DCDC1: variants seen among roughly 807,000 people sequenced by gnomAD.
DCDC1 encodes doublecortin domain-containing protein 1.
In DCDC1, 200 loss-of-function variants were observed where a neutral mutation model predicts 178.3. That is an observed-to-expected ratio of 1.12 (90% CI 1.00 to 1.26). The LOEUF (loss-of-function observed/expected upper bound fraction) is 1.26, where lower values mean the gene tolerates loss of function less well. Ranked by LOEUF, DCDC1 falls within the 50% of genes most tolerant of loss-of-function variation. The pLI is 0.00. For synonymous variants in DCDC1, 690 were observed against 604.8 expected (o/e 1.14, Z -2.07); for missense variants, 1,983 against 1,749.2 (o/e 1.13, Z -2.38).
At chr11:30,871,599 T>C (rs1941567954) in intron 38 of DCDC1, among the ~76,000 whole-genome samples, 1 of 152,254 alleles carries the variant, frequency 6.6e-6, no homozygotes, top group South Asian at 2.1e-4. Flanking sequence ...TATATAGCAC[T>C]GATATTATTC....
Position 30,924,061 on chromosome 11 carries a change from C to A in DCDC1, c.2997+1248G>T, listed in dbSNP as rs140988316. Among the ~76,000 whole-genome samples the A allele has an allele frequency of 2.7e-3, 411 of 152,286 alleles. 2 individuals carry two copies. Among genetic ancestry groups the A allele is most frequent in the Non-Finnish European group, 4.5e-3 (307 of 68,022 alleles). On this transcript the variant is annotated intron_variant, in intron 23 of 38. Coordinates refer to ENST00000684477, the MANE Select transcript of DCDC1 (RefSeq NM_001387274.1). ...CTAGCAAATATACAATCACTCCTGG[C>A]TCCATCTTATCCTCCTTCCACTCAT...
chr11:31,341,224 C>T (rs1035786334), intron 1 of DCDC1, among the ~76,000 whole-genome samples: 4 of 152,088 alleles, frequency 2.6e-5, no homozygotes, highest in African/African-American at 7.2e-5. Context: ...CCAGAAACTT[C>T]TTTCACAGGT....
At chr11:30,945,615 C>A (rs996913186) in intron 21 of DCDC1, among the ~76,000 whole-genome samples, 2 of 151,898 alleles carry the variant, frequency 1.3e-5, no homozygotes, top group Non-Finnish European at 2.9e-5. Context: ...ATCGCTTGAA[C>A]CCAGGAGGCA....
At chr11:30,964,437 T>C (rs1377810336) in intron 20 of DCDC1, among the ~76,000 whole-genome samples, 1 of 152,124 alleles carries the variant, frequency 6.6e-6, no homozygotes, top group Non-Finnish European at 1.5e-5. Context: ...ATGGCATAGA[T>C]CTTTTTGCCT....
At chr11:31,357,078 C>T (rs1391064827) in intron 1 of DCDC1, among the ~76,000 whole-genome samples, 2 of 152,074 alleles carry the variant, frequency 1.3e-5, no homozygotes, top group East Asian at 1.9e-4. Flanking sequence ...TCCTCCCTAA[C>T]TCATTTTATG....
intron 20 of DCDC1, among the ~76,000 whole-genome samples, chr11:31,038,709 T>A (rs1429463254): frequency 6.6e-6 from 1 of 152,164 alleles, no homozygotes; most frequent in Non-Finnish European, 1.5e-5. Context: ...TCTTTGTGGT[T>A]AATAGTGCTC....
At chr11:31,252,143 A>C (rs1437924238) in intron 8 of DCDC1, among the ~76,000 whole-genome samples, 2 of 152,212 alleles carry the variant, frequency 1.3e-5, no homozygotes, top group Non-Finnish European at 2.9e-5. Flanking sequence ...GATTAATATA[A>C]TCTAAAGCAG....
intron 9 of DCDC1, among the ~76,000 whole-genome samples, chr11:31,140,221 T>G (rs531463915): frequency 1.3e-5 from 2 of 152,318 alleles, no homozygotes; most frequent in East Asian, 3.9e-4. Context: ...ATGAAATAAC[T>G]TTTTGTCAAT....
chr11:30,881,045 T>C, intron 37 of DCDC1, 113 bp downstream of exon 37: 3 of 1,224,814 alleles, frequency 2.4e-6, no homozygotes, highest in East Asian at 5.1e-5. Context: ...GTAGAAATGC[T>C]TGGGAGGGGA....
intron 24 of DCDC1, among the ~76,000 whole-genome samples, chr11:30,921,956 A>T (rs1946274623): frequency 6.6e-6 from 1 of 152,152 alleles, no homozygotes; most frequent in Non-Finnish European, 1.5e-5. Context: ...ATGACCACTC[A>T]GTCATAGTCA....
chr11:30,923,795 C>G (rs945841960), intron 23 of DCDC1, among the ~76,000 whole-genome samples: 4 of 151,666 alleles, frequency 2.6e-5, no homozygotes, highest in Admixed American at 2.6e-4. Flanking sequence ...TTTTTGTATT[C>G]TAGTAGAGGC....
At chr11:30,923,461 C>A (rs572020788) in intron 23 of DCDC1, among the ~76,000 whole-genome samples, 114 of 108,474 alleles carry the variant, frequency 1.1e-3, no homozygotes, top group Non-Finnish European at 1.8e-3. Context: ...ATAAATATTT[C>A]TTTAAAGATG....
At chr11:30,875,982 A>T (rs897796487) in intron 38 of DCDC1, among the ~76,000 whole-genome samples, 10 of 152,180 alleles carry the variant, frequency 6.6e-5, no homozygotes, top group Admixed American at 4.6e-4. Context: ...GAAACATTGC[A>T]ACTTTACCCT....
chr11:31,187,997 T>A (rs182697472), intron 9 of DCDC1, among the ~76,000 whole-genome samples: 48 of 152,332 alleles, frequency 3.2e-4, no homozygotes, highest in Non-Finnish European at 4.7e-4. Flanking sequence ...TAATCTTTTT[T>A]AATTTTTTTT....
At chr11:30,923,061 G>A (rs1946353722) in intron 23 of DCDC1, among the ~76,000 whole-genome samples, 1 of 152,006 alleles carries the variant, frequency 6.6e-6, no homozygotes. Flanking sequence ...AGGAAAGAAG[G>A]AAGGAAGGAG....
intron 36 of DCDC1, 118 bp from the exon 37 acceptor site, chr11:30,881,426 G>T: frequency 7.8e-7 from 1 of 1,285,514 alleles, no homozygotes; most frequent in Non-Finnish European, 1.1e-6. Flanking sequence ...CCCACTGATA[G>T]TTGTTAGACA....
intron 24 of DCDC1, among the ~76,000 whole-genome samples, chr11:30,921,355 ATTT>A (rs1028970464): frequency 1.1e-3 from 161 of 152,082 alleles, no homozygotes; most frequent in African/African-American, 3.7e-3. Flanking sequence ...AATTATACTA[ATTT>A]TTTTTCTTTT....
chr11:30,907,802 C>T (rs1219552251), intron 29 of DCDC1, among the ~76,000 whole-genome samples: 3 of 152,272 alleles, frequency 2.0e-5, no homozygotes, highest in East Asian at 1.9e-4. Flanking sequence ...CAGCTCTAAT[C>T]GCCGGCTCGC....
At chr11:30,902,123 C>T (rs114210527) in intron 32 of DCDC1, among the ~76,000 whole-genome samples, 4 of 151,910 alleles carry the variant, frequency 2.6e-5, no homozygotes, top group African/African-American at 9.7e-5. Flanking sequence ...TGTGTGCTTT[C>T]CAAAATTCTG....
Sources: gnomAD v4.1 joint callset for allele counts (sites outside exome capture counted in the v4.1 genomes callset) on GRCh38, gnomAD v4.1.1 for gene constraint, MANE v1.5 for transcripts, NCBI Gene and HGNC (gene_info 2026-07-23, HGNC 2026-07-21) for gene names.